SUPT3H: variants seen among roughly 807,000 people sequenced by gnomAD.
The protein encoded by SUPT3H is SPT3 homolog, SAGA and STAGA complex component, also known as transcription initiation protein SPT3 homolog.
In SUPT3H, 44 loss-of-function variants were observed where a neutral mutation model predicts 44.3. The observed-to-expected ratio is 0.99, with a 90% confidence interval of 0.78 to 1.28. The LOEUF is 1.28. SUPT3H is among the 50% of genes most tolerant of loss of function. The pLI is 0.00. For synonymous variants in SUPT3H, 124 were observed against 125.6 expected (o/e 0.99, Z 0.09); for missense variants, 380 against 387.1 (o/e 0.98, Z 0.15).
chr6:44,910,441 T>G (rs540682616), intron 10 of SUPT3H, among the ~76,000 whole-genome samples: 8 of 152,296 alleles, frequency 5.3e-5, no homozygotes, highest in African/African-American at 1.9e-4. Flanking sequence ...ATTAAAACTT[T>G]TTCAAACAAT....
chr6:45,160,505 T>G (rs1808761802), intron 2 of SUPT3H, among the ~76,000 whole-genome samples: 1 of 152,120 alleles, frequency 6.6e-6, no homozygotes, highest in Non-Finnish European at 1.5e-5. Context: ...TCTGCAAGCA[T>G]AGCAAAACCT....
chr6:45,145,864 T>C (rs115030780), intron 2 of SUPT3H, among the ~76,000 whole-genome samples: 2,737 of 151,902 alleles, frequency 0.018, 42 homozygotes, highest in South Asian at 0.044. Flanking sequence ...AAGACATGAA[T>C]AGACAATTCC....
chr6:45,052,494 A>G (rs886636708), intron 3 of SUPT3H, among the ~76,000 whole-genome samples: 4 of 152,182 alleles, frequency 2.6e-5, no homozygotes, highest in Non-Finnish European at 5.9e-5. Flanking sequence ...TTTGCAAAAA[A>G]TCCAGTCATA....
At chr6:45,104,772 A>C (rs1799051587) in intron 3 of SUPT3H, among the ~76,000 whole-genome samples, 1 of 152,074 alleles carries the variant, frequency 6.6e-6, no homozygotes, top group African/African-American at 2.4e-5. Flanking sequence ...CAACTGAAAA[A>C]CACAAAAGTA....
At chr6:45,346,967 G>A (rs191458740) in intron 2 of SUPT3H, among the ~76,000 whole-genome samples, 3 of 152,232 alleles carry the variant, frequency 2.0e-5, no homozygotes, top group East Asian at 1.9e-4. Flanking sequence ...GCAAAGGGAC[G>A]TGGTAACAGC....
chr6:45,284,416 C>T (rs1051902098), intron 2 of SUPT3H, among the ~76,000 whole-genome samples: 2 of 152,118 alleles, frequency 1.3e-5, no homozygotes, highest in Non-Finnish European at 2.9e-5. Flanking sequence ...GGGGATATCA[C>T]CACTGATCCC....
intron 2 of SUPT3H, among the ~76,000 whole-genome samples, chr6:45,179,065 G>A (rs887845855): frequency 5.9e-5 from 9 of 152,078 alleles, no homozygotes; most frequent in African/African-American, 9.7e-5. Flanking sequence ...CGATCCCACA[G>A]AAATACAAAC....
At chr6:45,174,264 T>A (rs954739819) in intron 2 of SUPT3H, among the ~76,000 whole-genome samples, 14 of 152,242 alleles carry the variant, frequency 9.2e-5, no homozygotes, top group Admixed American at 7.9e-4. Flanking sequence ...AGATTACCCA[T>A]TGATGTGATC....
intron 6 of SUPT3H, among the ~76,000 whole-genome samples, chr6:44,964,112 G>A (rs1249555515): frequency 6.6e-6 from 1 of 151,932 alleles, no homozygotes; most frequent in African/African-American, 2.4e-5. Context: ...GTTTGTCTGT[G>A]TCTCACTATA....
chr6:44,981,943 A>C (rs953688299), intron 6 of SUPT3H, among the ~76,000 whole-genome samples: 5 of 152,066 alleles, frequency 3.3e-5, no homozygotes, highest in Admixed American at 2.6e-4. Context: ...GGGGAGGCTA[A>C]AGTGGGAGGA....
intron 2 of SUPT3H, among the ~76,000 whole-genome samples, chr6:45,317,226 T>TAAAA: frequency 4.1e-5 from 1 of 24,362 alleles, no homozygotes; most frequent in South Asian, 1.6e-3. Context: ...AGACTCTGTC[T>TAAAA]CAAAAAAAAA....
intron 3 of SUPT3H, among the ~76,000 whole-genome samples, chr6:45,028,363 G>A (rs1786355739): frequency 6.6e-6 from 1 of 151,994 alleles, no homozygotes; most frequent in Non-Finnish European, 1.5e-5. Context: ...TTTCTTCAGA[G>A]GAACCTTCAA....
intron 2 of SUPT3H, among the ~76,000 whole-genome samples, chr6:45,130,027 T>C (rs1031500747): frequency 6.6e-6 from 1 of 152,216 alleles, no homozygotes; most frequent in Non-Finnish European, 1.5e-5. Context: ...TTCACTGAGA[T>C]ATAAACATAC....
chr6:44,839,667 GA>G (rs1425434153), intron 10 of SUPT3H, among the ~76,000 whole-genome samples: 2 of 151,664 alleles, frequency 1.3e-5, no homozygotes, highest in African/African-American at 4.8e-5. Context: ...TAACAAAATG[GA>G]TCCTCAAAAG....
chr6:45,315,527 T>A (rs943548559), intron 2 of SUPT3H, among the ~76,000 whole-genome samples: 4 of 151,890 alleles, frequency 2.6e-5, no homozygotes, highest in African/African-American at 9.7e-5. Flanking sequence ...CATGAAAAAA[T>A]GCTCAACATC....
intron 9 of SUPT3H, among the ~76,000 whole-genome samples, chr6:44,942,567 C>A (rs1236880131): frequency 6.6e-6 from 1 of 152,046 alleles, no homozygotes; most frequent in Non-Finnish European, 1.5e-5. Context: ...AAGGGGGAGC[C>A]CCAAATTCGG....
intron 2 of SUPT3H, among the ~76,000 whole-genome samples, chr6:45,229,138 TGA>T (rs1562742377): frequency 1.3e-5 from 2 of 152,188 alleles, no homozygotes; most frequent in Admixed American, 6.5e-5. Context: ...ATAAAAATCA[TGA>T]GTTTGGTAAA....
chr6:45,324,689 C>T (rs557772285), intron 2 of SUPT3H, among the ~76,000 whole-genome samples: 7 of 151,634 alleles, frequency 4.6e-5, no homozygotes, highest in Non-Finnish European at 8.9e-5. Flanking sequence ...TTCTGGCATT[C>T]CACATAATCT....
chr6:45,098,834 C>T (rs978011489), intron 3 of SUPT3H: 8 of 547,008 alleles, frequency 1.5e-5, no homozygotes, highest in South Asian at 4.2e-5. Flanking sequence ...CAGGTTTCCA[C>T]AGGGCAGGCT....
Sources: allele counts gnomAD v4.1 joint callset (sites outside exome capture counted in the v4.1 genomes callset), GRCh38; gene constraint gnomAD v4.1.1; transcripts MANE v1.5; gene names NCBI Gene and HGNC (gene_info 2026-07-23, HGNC 2026-07-21).